GLYAT: variants seen among roughly 807,000 people sequenced by gnomAD.
GLYAT encodes the protein glycine N-acyltransferase.
In GLYAT, 25 loss-of-function variants were observed where a neutral mutation model predicts 22.8. The ratio of observed to expected loss-of-function variants is 1.09; its 90% CI spans 0.80 to 1.53. The LOEUF is 1.53. GLYAT is among the 40% of genes most tolerant of loss of function. The probability of loss-of-function intolerance (pLI) is 0.00; values close to 1 mark genes in which losing one functional copy is unlikely to be tolerated. For missense variants in GLYAT, 411 were observed against 353.9 expected (o/e 1.16, Z -1.29); for synonymous variants, 140 against 122.7 (o/e 1.14, Z -0.93).
chr11:58,715,058 C>A (rs1023292264), intron 3 of GLYAT, among the ~76,000 whole-genome samples: 1 of 152,034 alleles, frequency 6.6e-6, no homozygotes, highest in Non-Finnish European at 1.5e-5. Context: ...TATCGGGTAG[C>A]CCCACCTTTG....
chr11:58,725,249 T>C (rs1179802645), intron 1 of GLYAT, among the ~76,000 whole-genome samples: 1 of 152,200 alleles, frequency 6.6e-6, no homozygotes, highest in Non-Finnish European at 1.5e-5. Flanking sequence ...TACTAGGATC[T>C]GTGGTACATT....
chr11:58,727,199 A>T (rs1392644323), intron 1 of GLYAT, among the ~76,000 whole-genome samples: 2 of 152,134 alleles, frequency 1.3e-5, no homozygotes, highest in Non-Finnish European at 2.9e-5. Flanking sequence ...TAGGGACAGG[A>T]TTGGAGGTCA....
intron 2 of GLYAT, among the ~76,000 whole-genome samples, chr11:58,717,353 A>G (rs1043674294): frequency 6.6e-6 from 1 of 152,092 alleles, no homozygotes; most frequent in Non-Finnish European, 1.5e-5. Flanking sequence ...AAACAACAAC[A>G]AACAAAAGAA....
intron 1 of GLYAT, among the ~76,000 whole-genome samples, chr11:58,730,098 C>T (rs917199024): frequency 2.0e-4 from 31 of 152,100 alleles, no homozygotes; most frequent in African/African-American, 6.3e-4. Flanking sequence ...GTAGCATTCC[C>T]GGGCATAAAC....
At chr11:58,711,133 G>A (rs535872942) in intron 4 of GLYAT, among the ~76,000 whole-genome samples, 3 of 152,318 alleles carry the variant, frequency 2.0e-5, no homozygotes, top group African/African-American at 7.2e-5. Flanking sequence ...GCAAGCATTA[G>A]GCCATAGCCT....
chr11:58,713,819 AT>A (rs1180757483), intron 3 of GLYAT, among the ~76,000 whole-genome samples: 1 of 152,136 alleles, frequency 6.6e-6, no homozygotes, highest in Non-Finnish European at 1.5e-5. Flanking sequence ...TTAAGACCAC[AT>A]TTAATAAAAG....
intron 4 of GLYAT, among the ~76,000 whole-genome samples, chr11:58,711,140 GC>G (rs1856612043): frequency 6.6e-6 from 1 of 152,188 alleles, no homozygotes; most frequent in African/African-American, 2.4e-5. Context: ...TTAGGCCATA[GC>G]CTGTTCCTCT....
intron 2 of GLYAT, among the ~76,000 whole-genome samples, chr11:58,718,412 G>A (rs565911155): frequency 1.3e-5 from 2 of 151,990 alleles, no homozygotes; most frequent in East Asian, 3.9e-4. Context: ...GAAAAAGATT[G>A]GTTCAGTCCA....
chr11:58,721,444 A>G (rs1344942656), intron 2 of GLYAT, among the ~76,000 whole-genome samples: 1 of 152,010 alleles, frequency 6.6e-6, no homozygotes, highest in African/African-American at 2.4e-5. Flanking sequence ...ATCAGGTGAA[A>G]ACAGAATTCA....
chr11:58,729,591 G>T (rs1039216657), intron 1 of GLYAT, among the ~76,000 whole-genome samples: 1 of 152,134 alleles, frequency 6.6e-6, no homozygotes, highest in African/African-American at 2.4e-5. Flanking sequence ...AGTAACGAAT[G>T]ATTGAATACA....
intron 4 of GLYAT, among the ~76,000 whole-genome samples, chr11:58,711,355 C>T (rs1350171383): frequency 6.6e-6 from 1 of 152,152 alleles, no homozygotes. Context: ...AACCCTGTCT[C>T]CTCTGTTCAG....
chr11:58,716,960 AGGTCACAGATAGGTGAGACACAAAT>A (rs1328842234), intron 2 of GLYAT, among the ~76,000 whole-genome samples: 1 of 152,184 alleles, frequency 6.6e-6, no homozygotes, highest in African/African-American at 2.4e-5. Context: ...AGAAGCTTTC[AGGTCACAGATAGGTGAGACACAAAT>A]GGTTGTGTTA....
chr11:58,712,673 G>C (rs1856630159), intron 4 of GLYAT, 87 bp downstream of exon 4: 2 of 1,132,032 alleles, frequency 1.8e-6, no homozygotes, highest in Admixed American at 1.8e-5. Flanking sequence ...TGGGAGTCTG[G>C]AGCTTGGAGG....
At chr11:58,725,770 G>A (rs547895) in intron 1 of GLYAT, among the ~76,000 whole-genome samples, 111,108 of 152,040 alleles carry the variant, frequency 0.73, 41,276 homozygotes, top group Middle Eastern at 0.88. Context: ...CCTTTTGACT[G>A]AGTTTTATAT....
intron 3 of GLYAT, among the ~76,000 whole-genome samples, chr11:58,713,307 G>A (rs938107514): frequency 1.3e-4 from 19 of 151,996 alleles, no homozygotes; most frequent in South Asian, 4.1e-4. Context: ...TTCAATTTAT[G>A]TTGGAAAATT....
intron 2 of GLYAT, among the ~76,000 whole-genome samples, chr11:58,715,997 A>T (rs946377594): frequency 6.6e-6 from 1 of 152,180 alleles, no homozygotes; most frequent in African/African-American, 2.4e-5. Flanking sequence ...CATTGTTTCC[A>T]TATAACTCTC....
rs377413250 is a variant in GLYAT, at chr11:58,722,426, C to A, written c.81+1990G>T. Among the ~76,000 whole-genome samples, 4 of 152,124 alleles carry A rather than the reference C, an allele frequency of 2.6e-5. No homozygotes were observed. The East Asian group carries it at 7.8e-4, about 29-fold the overall frequency. On this transcript the variant is annotated intron_variant, in intron 2 of 5. Coordinates refer to ENST00000344743, the MANE Select transcript of GLYAT (RefSeq NM_201648.3). ...TTATATATTTTAGGGAGATATGAGG[C>A]CTCGATCAATATATGTAAGAAGTAC...
intron 4 of GLYAT, among the ~76,000 whole-genome samples, chr11:58,711,078 C>T (rs1292751994): frequency 2.0e-5 from 3 of 152,194 alleles, no homozygotes; most frequent in African/African-American, 7.2e-5. Flanking sequence ...TTAGCTCCCA[C>T]AGTTTAGCCT....
At chr11:58,723,266 T>C (rs927163383) in intron 2 of GLYAT, among the ~76,000 whole-genome samples, 6 of 152,090 alleles carry the variant, frequency 3.9e-5, no homozygotes, top group African/African-American at 1.4e-4. Flanking sequence ...GTTCTGTCTC[T>C]CTGGGAGGTT....
Sources: gnomAD v4.1 joint callset for allele counts (sites outside exome capture counted in the v4.1 genomes callset) on GRCh38, gnomAD v4.1.1 for gene constraint, MANE v1.5 for transcripts, NCBI Gene and HGNC (gene_info 2026-07-23, HGNC 2026-07-21) for gene names.